Variants in WDR27 observed in about 807,000 individuals in gnomAD.
The protein encoded by WDR27 is WD repeat-containing protein 27.
A neutral mutation model predicts 114.4 loss-of-function variants in WDR27; 100 were observed. That is an observed-to-expected ratio of 0.87 (90% CI 0.74 to 1.03). The LOEUF is 1.03. Ranked by LOEUF, WDR27 falls within the 50% of genes least tolerant of loss-of-function variation. WDR27 has a pLI of 0.00. For missense variants in WDR27, 1,129 were observed against 1,092.9 expected, an observed-to-expected ratio of 1.03 and a Z score of -0.47; for synonymous variants, 449 against 423.1, an observed-to-expected ratio of 1.06 and a Z score of -0.75.
At chr6:169,638,276 A>ACTGCAGT (rs1196095221) in intron 18 of WDR27, among the ~76,000 whole-genome samples, 1 of 70,026 alleles carries the variant, frequency 1.4e-5, no homozygotes. Flanking sequence ...AGATTGCGCC[A>ACTGCAGT]CTGCAGTCCG....
intron 10 of WDR27, 34 bp downstream of exon 10, chr6:169,660,629 T>C: frequency 6.4e-7 from 1 of 1,563,504 alleles, no homozygotes; most frequent in East Asian, 2.2e-5. Context: ...AGGAAAACAT[T>C]ACAGTTACAT....
At chr6:169,676,788 T>C (rs1362143426) in intron 2 of WDR27, among the ~76,000 whole-genome samples, 2 of 152,292 alleles carry the variant, frequency 1.3e-5, no homozygotes, top group Middle Eastern at 3.4e-3. Flanking sequence ...AGCCCCCACT[T>C]TGAACTGTCC....
chr6:169,475,204 T>C (rs1786977693), intron 25 of WDR27, among the ~76,000 whole-genome samples: 1 of 152,346 alleles, frequency 6.6e-6, no homozygotes, highest in Non-Finnish European at 1.5e-5. Context: ...TATTATCCTA[T>C]ATTTTCTTCT....
At chr6:169,627,920 G>A (rs763819816) in intron 21 of WDR27, among the ~76,000 whole-genome samples, 1 of 152,100 alleles carries the variant, frequency 6.6e-6, no homozygotes, top group Non-Finnish European at 1.5e-5. Context: ...GAAAGGCCAC[G>A]GCGTTCCAGA....
At chr6:169,583,454 C>G (rs1803866990) in intron 23 of WDR27, among the ~76,000 whole-genome samples, 1 of 143,140 alleles carries the variant, frequency 7.0e-6, no homozygotes, top group Non-Finnish European at 1.5e-5. Context: ...TAAATAAGTT[C>G]CTCTTTAATT....
intron 25 of WDR27, among the ~76,000 whole-genome samples, chr6:169,459,937 C>A (rs1784719446): frequency 1.3e-5 from 2 of 152,228 alleles, no homozygotes; most frequent in East Asian, 3.9e-4. Context: ...TACCACTAGA[C>A]CTGCCCTGCC....
rs149486399 is a variant in WDR27 at position 169,473,764 on chromosome 6, T to C, written c.2646-16130A>G. 3.2e-3 allele frequency among the ~76,000 whole-genome samples: 490 copies of C among 152,346 alleles called. 5 individuals are homozygous for C. The highest frequency in any genetic ancestry group is 0.011 in the African/African-American group (463 of 41,594). ...TTCATCACCTGGGTCTATTCACTGATAGGTGTTCTCCTTACACTTCTTTCT... is the reference window on the plus strand; with the variant it reads ...TTCATCACCTGGGTCTATTCACTGACAGGTGTTCTCCTTACACTTCTTTCT... On this transcript the variant is annotated intron_variant, in intron 25 of 25. Transcript: ENST00000448612.
intron 25 of WDR27, among the ~76,000 whole-genome samples, chr6:169,523,709 G>T (rs1794649254): frequency 6.6e-6 from 1 of 152,018 alleles, no homozygotes; most frequent in East Asian, 1.9e-4. Context: ...TTCAATAGAT[G>T]TTGGAAAATC....
At chr6:169,558,798 C>T (rs1352498186) in intron 25 of WDR27, 3 of 152,212 alleles carry the variant, frequency 2.0e-5, no homozygotes, top group African/African-American at 7.2e-5. Flanking sequence ...TTATTCGTCA[C>T]TCCACGAAGA....
intron 25 of WDR27, among the ~76,000 whole-genome samples, chr6:169,526,720 G>A (rs1795010290): frequency 6.6e-6 from 1 of 152,052 alleles, no homozygotes; most frequent in Non-Finnish European, 1.5e-5. Context: ...AAAATCCACA[G>A]AATGAAAGAA....
intron 6 of WDR27, chr6:169,666,898 A>G (rs1328882522): frequency 3.0e-6 from 3 of 985,378 alleles, no homozygotes; most frequent in African/African-American, 3.5e-5. Flanking sequence ...TTACTCCTCC[A>G]AAACAGAAAG....
intron 25 of WDR27, among the ~76,000 whole-genome samples, chr6:169,541,813 C>T (rs1796884076): frequency 6.6e-6 from 1 of 152,090 alleles, no homozygotes; most frequent in South Asian, 2.1e-4. Context: ...TTAAAAAATT[C>T]TAATGTAATA....
At chr6:169,479,824 A>C (rs1787706787) in intron 25 of WDR27, among the ~76,000 whole-genome samples, 1 of 152,218 alleles carries the variant, frequency 6.6e-6, no homozygotes. Flanking sequence ...TATTAACCCT[A>C]GTACCCATTA....
At chr6:169,559,954 C>T (rs4716333) in intron 25 of WDR27, 44,922 of 152,028 alleles carry the variant, frequency 0.3, 7,437 homozygotes, top group African/African-American at 0.44. Context: ...ATGAGGTATC[C>T]GCTTGTTAAG....
At chr6:169,651,250 G>A (rs1288102444) in intron 14 of WDR27, among the ~76,000 whole-genome samples, 1 of 150,492 alleles carries the variant, frequency 6.6e-6, no homozygotes, top group Non-Finnish European at 1.5e-5. Context: ...TGGTAGAGGT[G>A]AGTGCCAACC....
At chr6:169,658,452 G>T in intron 12 of WDR27, 94 bp from the exon 13 acceptor site, 2 of 908,236 alleles carry the variant, frequency 2.2e-6, no homozygotes, top group Non-Finnish European at 3.5e-6. Flanking sequence ...AGTTCCAAAT[G>T]ACTGATTCCT....
chr6:169,529,312 C>G lies in WDR27; in HGVS notation c.2645+43107G>C, dbSNP rs370079143. ...AGCACGTTAACGGTGGTGACCTCTGCGGGGGGGGGGGGCAGCTAATGCTAA... is the reference window on the plus strand; with the variant it reads ...AGCACGTTAACGGTGGTGACCTCTGGGGGGGGGGGGGGCAGCTAATGCTAA... On this transcript the variant is annotated intron_variant, in intron 25 of 25. Transcript: ENST00000448612. Among the ~76,000 whole-genome samples the G allele has an allele frequency of 1.2e-3, 140 of 115,204 alleles. 1 individual carries two copies. Among genetic ancestry groups the G allele is most frequent in the Non-Finnish European group, 1.9e-3 (104 of 54,290 alleles). 75.6% of individuals were successfully genotyped at this position (115,204 alleles called of 152,430 possible). A position where few individuals can be genotyped will look rare whatever the true frequency, so the allele number is the denominator to read the frequency against.
intron 21 of WDR27, among the ~76,000 whole-genome samples, chr6:169,631,351 A>G (rs949574470): frequency 1.3e-5 from 2 of 149,792 alleles, no homozygotes; most frequent in African/African-American, 2.4e-5. Context: ...TGATATTTCC[A>G]TGGTGTTATT....
intron 25 of WDR27, among the ~76,000 whole-genome samples, chr6:169,523,570 C>T (rs1341576942): frequency 6.6e-6 from 1 of 151,864 alleles, no homozygotes; most frequent in East Asian, 1.9e-4. Context: ...ATTCAACAAC[C>T]CATTAAAAAG....
Sources: gnomAD v4.1 joint callset for allele counts (sites outside exome capture counted in the v4.1 genomes callset) on GRCh38, gnomAD v4.1.1 for gene constraint, MANE v1.5 for transcripts, NCBI Gene and HGNC (gene_info 2026-07-23, HGNC 2026-07-21) for gene names.